The following KCNAB1 variants were observed in gnomAD, a reference collection of about 807,000 sequenced individuals.
KCNAB1 encodes potassium voltage-gated channel subfamily A regulatory beta subunit 1, also known as voltage-gated potassium channel subunit beta-1.
A neutral mutation model predicts 64.6 loss-of-function variants in KCNAB1; 35 were observed. The ratio of observed to expected loss-of-function variants is 0.54; its 90% CI spans 0.41 to 0.72. KCNAB1 has a LOEUF of 0.72. KCNAB1 is among the 30% of genes least tolerant of loss of function. The pLI is 0.00. For missense variants in KCNAB1, 401 were observed against 512.9 expected, an observed-to-expected ratio of 0.78 and a Z score of 2.11; for synonymous variants, 177 against 183.8, an observed-to-expected ratio of 0.96 and a Z score of 0.30.
At chr3:156,266,515 G>T (rs1718723637) in intron 1 of KCNAB1, among the ~76,000 whole-genome samples, 1 of 152,172 alleles carries the variant, frequency 6.6e-6, no homozygotes, top group African/African-American at 2.4e-5. Flanking sequence ...CTCCCAAGGA[G>T]CTCAGTTCAC....
intron 8 of KCNAB1, 58 bp from the exon 9 acceptor site, chr3:156,514,306 C>A: frequency 1.5e-6 from 2 of 1,362,626 alleles, no homozygotes; most frequent in South Asian, 1.2e-5. Context: ...GAGTAAAAAT[C>A]GCATAACTTT....
chr3:156,298,468 G>C (rs1720939604), intron 1 of KCNAB1, among the ~76,000 whole-genome samples: 1 of 152,114 alleles, frequency 6.6e-6, no homozygotes, highest in Admixed American at 6.5e-5. Context: ...TAAAAATTCT[G>C]CAAACATTTC....
intron 1 of KCNAB1, among the ~76,000 whole-genome samples, chr3:156,414,764 A>C (rs1197518599): frequency 6.6e-6 from 1 of 152,182 alleles, no homozygotes; most frequent in Admixed American, 6.5e-5. Context: ...CTGCTGCCTT[A>C]GATGCTTGAG....
At chr3:156,298,379 G>A (rs1051588442) in intron 1 of KCNAB1, among the ~76,000 whole-genome samples, 1 of 152,166 alleles carries the variant, frequency 6.6e-6, no homozygotes, top group African/African-American at 2.4e-5. Context: ...CAGTTTGGTT[G>A]TTACACATGG....
At chr3:156,291,084 G>A in intron 1 of KCNAB1, 1 of 985,490 alleles carries the variant, frequency 1.0e-6, no homozygotes, top group Non-Finnish European at 1.2e-6. Flanking sequence ...TCTGGGCAGA[G>A]CCCCTTTTTA....
intron 1 of KCNAB1, among the ~76,000 whole-genome samples, chr3:156,211,752 T>C (rs910377617): frequency 6.6e-6 from 1 of 152,212 alleles, no homozygotes; most frequent in African/African-American, 2.4e-5. Context: ...TCAAAGGAAA[T>C]GAATGACTCC....
intron 13 of KCNAB1, among the ~76,000 whole-genome samples, chr3:156,532,106 G>A (rs1718740575): frequency 6.6e-6 from 1 of 152,142 alleles, no homozygotes; most frequent in African/African-American, 2.4e-5. Flanking sequence ...AGAGAAATGG[G>A]CTCAAAATTC....
intron 2 of KCNAB1, among the ~76,000 whole-genome samples, chr3:156,435,980 C>T (rs1014179402): frequency 6.6e-6 from 1 of 152,014 alleles, no homozygotes; most frequent in Non-Finnish European, 1.5e-5. Flanking sequence ...TAGGTACATG[C>T]CTGTCCTGGT....
At chr3:156,264,584 T>C (rs1244688045) in intron 1 of KCNAB1, among the ~76,000 whole-genome samples, 1 of 152,118 alleles carries the variant, frequency 6.6e-6, no homozygotes, top group Admixed American at 6.6e-5. Context: ...CTTTAACTTA[T>C]CACAATATAC....
intron 1 of KCNAB1, among the ~76,000 whole-genome samples, chr3:156,240,614 T>C (rs1376332595): frequency 2.0e-5 from 3 of 152,228 alleles, no homozygotes; most frequent in Admixed American, 1.3e-4. Context: ...ATATAGCAGA[T>C]GAGGATTTAA....
chr3:156,363,892 G>A (rs1725780468), intron 1 of KCNAB1, among the ~76,000 whole-genome samples: 2 of 152,192 alleles, frequency 1.3e-5, no homozygotes, highest in Admixed American at 6.5e-5. Flanking sequence ...AAAGCTCTAA[G>A]ACAAACTCCA....
At chr3:156,187,783 A>G (rs1017791618) in intron 1 of KCNAB1, among the ~76,000 whole-genome samples, 3 of 152,232 alleles carry the variant, frequency 2.0e-5, no homozygotes, top group Admixed American at 6.5e-5. Flanking sequence ...TCAAATGCCA[A>G]TCAAATCAGG....
chr3:156,366,128 A>C (rs1725929367), intron 1 of KCNAB1, among the ~76,000 whole-genome samples: 1 of 152,226 alleles, frequency 6.6e-6, no homozygotes, highest in East Asian at 1.9e-4. Context: ...TGCAATATGA[A>C]TGCAATCTGG....
At chr3:156,213,080 T>C (rs1715112226) in intron 1 of KCNAB1, among the ~76,000 whole-genome samples, 1 of 152,134 alleles carries the variant, frequency 6.6e-6, no homozygotes, top group Admixed American at 6.5e-5. Context: ...GCTTAGTAAC[T>C]AACACCAGTA....
At chr3:156,186,691 C>A (rs138004845) in intron 1 of KCNAB1, among the ~76,000 whole-genome samples, 1 of 152,066 alleles carries the variant, frequency 6.6e-6, no homozygotes, top group Non-Finnish European at 1.5e-5. Flanking sequence ...AGTCTCCATC[C>A]CTCTAGGAAC....
At chr3:156,387,831 T>G (rs1243470917) in intron 1 of KCNAB1, among the ~76,000 whole-genome samples, 2 of 152,216 alleles carry the variant, frequency 1.3e-5, no homozygotes, top group Non-Finnish European at 1.5e-5. Flanking sequence ...TATGGACTTA[T>G]TTTTTTAAAA....
intron 1 of KCNAB1, among the ~76,000 whole-genome samples, chr3:156,224,274 C>A (rs1051759507): frequency 6.6e-6 from 1 of 152,244 alleles, no homozygotes; most frequent in Admixed American, 6.5e-5. Context: ...CCGCAAGCAC[C>A]GCACGCAGCC....
chr3:156,469,534 T>C (rs1713722320), intron 7 of KCNAB1, among the ~76,000 whole-genome samples: 1 of 152,120 alleles, frequency 6.6e-6, no homozygotes, highest in Admixed American at 6.6e-5. Context: ...AAGCCTCATA[T>C]GACATAATAG....
chr3:156,383,774 C>A (rs901910345), intron 1 of KCNAB1, among the ~76,000 whole-genome samples: 1 of 152,210 alleles, frequency 6.6e-6, no homozygotes, highest in Non-Finnish European at 1.5e-5. Context: ...AAAAATTATT[C>A]TCAGCTTGAT....
Sources: allele counts gnomAD v4.1 joint callset (sites outside exome capture counted in the v4.1 genomes callset), GRCh38; gene constraint gnomAD v4.1.1; transcripts MANE v1.5; gene names NCBI Gene and HGNC (gene_info 2026-07-23, HGNC 2026-07-21).